The following PSD4 variants were observed in gnomAD, a reference collection of about 807,000 sequenced individuals.
PSD4 encodes the protein pleckstrin and Sec7 domain containing 4.
In PSD4, 59 loss-of-function variants were observed where a neutral mutation model predicts 112.5. The observed-to-expected ratio is 0.52, with a 90% CI of 0.43 to 0.65. The LOEUF is 0.65. Ranked by LOEUF, PSD4 falls within the 30% of genes least tolerant of loss-of-function variation. The pLI is 0.00. For synonymous variants in PSD4, 533 were observed against 540.0 expected, an observed-to-expected ratio of 0.99 and a Z score of 0.18; for missense variants, 1,267 against 1,352.6, an observed-to-expected ratio of 0.94 and a Z score of 0.99.
chr2:113,185,048 C>T lies in PSD4; in HGVS notation c.1148C>T (p.Pro383Leu), dbSNP rs1276516445. 1 of 1,614,256 alleles carries T rather than the reference C, an allele frequency of 6.2e-7. No homozygotes were observed. Among genetic ancestry groups the T allele is most frequent in the Non-Finnish European group, 8.5e-7 (1 of 1,180,038 alleles). The change falls in exon 3 of 17, where the codon CCT becomes CTT. Residue 383 changes from proline (P) to leucine (L), a missense_variant. By Grantham distance (98) the Pro-to-Leu change is moderately conservative (BLOSUM62 -3). This residue lies in a region of PSD4 where 723 missense variants were observed against 704.0 expected (regional missense o/e 1.03). Coordinates refer to ENST00000245796, the MANE Select transcript of PSD4 (RefSeq NM_012455.3). ...ESGCVGSDLG[P>L]AAHPVQPWAS... is the part of the protein sequence containing the mutation. Reference sequence around the variant, plus strand: ...GGATGTGTCGGATCTGATCTTGGCCCTGCTGCACATCCTGTGCAACCTTGG... The same window carrying T: ...GGATGTGTCGGATCTGATCTTGGCCTTGCTGCACATCCTGTGCAACCTTGG...
intron 6 of PSD4, 36 bp from the exon 7 acceptor site, chr2:113,193,012 C>T (rs760992854): frequency 6.3e-7 from 1 of 1,596,652 alleles, no homozygotes; most frequent in Non-Finnish European, 8.6e-7. Flanking sequence ...AGCCCAGGCC[C>T]CTGGTGCAGA....
rs752238535 is a variant in PSD4, at chr2:113,192,956, G to A, written c.1839-92G>A. The stretch of plus-strand genomic sequence containing the variant: ...CACCCTTCCCTTGCTCACCCCCACC[G>A]CATAATGTGTGCAGGCCCTGGGGGC... On this transcript the variant is annotated intron_variant, in intron 6 of 16. Coordinates refer to ENST00000245796, the MANE Select transcript of PSD4 (RefSeq NM_012455.3). 2.4e-5 allele frequency: 31 copies of A among 1,266,412 alleles called. 1 individual carries two copies. Among genetic ancestry groups the A allele is most frequent in the South Asian group, 1.2e-4 (9 of 74,642 alleles). The allele number at this position is 1,266,412 out of a possible 1,614,324, so 78.4% of individuals were successfully genotyped here.
At position 113,194,613 on chromosome 2, in the gene PSD4, A is replaced by T. The variant is rs1227980963; in HGVS notation, c.2181+665A>T. The stretch of plus-strand genomic sequence containing the variant: ...CAAACCTAGATGTACAGCTCACTGC[A>T]CACCAGGGCTATATGGGATAGTCTA... On this transcript the variant is annotated intron_variant, in intron 10 of 16. Transcript: ENST00000245796. 2.6e-5 allele frequency among the ~76,000 whole-genome samples: 4 copies of T among 152,230 alleles called. No individual in the cohort carries two copies. The South Asian group carries it at 8.3e-4, about 32-fold the overall frequency.
intron 12 of PSD4, 146 bp downstream of exon 12, chr2:113,196,453 A>AGTGCTGG: frequency 4.8e-6 from 5 of 1,043,046 alleles, no homozygotes; most frequent in Non-Finnish European, 6.9e-6. Context: ...GTGCGTACTG[A>AGTGCTGG]ACAGTGACCA....
At chr2:113,196,024 G>C in intron 11 of PSD4, 123 bp from the exon 12 acceptor site, 1 of 1,287,276 alleles carries the variant, frequency 7.8e-7, no homozygotes, top group Non-Finnish European at 1.1e-6. Context: ...AGGACTCCTT[G>C]TGGGGGGTCC....
rs199771169 is a variant in PSD4, at chr2:113,196,150, T to C, written c.2229T>C (p.Asp743=). Residue 743 remains aspartate (D), a synonymous_variant, in exon 12 of 17, where the codon GAT becomes GAC. Coordinates refer to ENST00000245796, the MANE Select transcript of PSD4 (RefSeq NM_012455.3). The stretch of plus-strand genomic sequence containing the variant: ...AGCCCGATTCTCTGATGTTCAGGGA[T>C]GAAGAAGACACAGCCAGACCTGAGA... ...IRSEKLEWAV[D]EEDTARPEKA... is the part of the protein sequence containing the mutation. 1 of 1,609,030 alleles carries C rather than the reference T, an allele frequency of 6.2e-7. No homozygotes were observed. Among genetic ancestry groups the C allele is most frequent in the African/African-American group, 1.3e-5 (1 of 74,908 alleles).
At chr2:113,179,775 T>C (rs1052716763) in intron 1 of PSD4, among the ~76,000 whole-genome samples, 1 of 152,104 alleles carries the variant, frequency 6.6e-6, no homozygotes, top group Non-Finnish European at 1.5e-5. Flanking sequence ...AAGTACAAGA[T>C]TAAACATAAG....
At chr2:113,179,969 G>A (rs139148431) in intron 1 of PSD4, among the ~76,000 whole-genome samples, 260 of 152,314 alleles carry the variant, frequency 1.7e-3, no homozygotes, top group Non-Finnish European at 2.8e-3. Context: ...TTGGGTCAGA[G>A]GGAGGGGTAA....
In PSD4 at chr2:113,193,900, C is replaced by T; in HGVS notation, c.2133C>T (p.Asn711=). ...KSMSCQEFIT[N]LNGLRDGGNF... Reference sequence around the variant, plus strand: ...TGAGCTGCCAGGAATTCATAACCAACCTGAATGGGCTGAGGGATGGCGGGA... The same window carrying T: ...TGAGCTGCCAGGAATTCATAACCAATCTGAATGGGCTGAGGGATGGCGGGA... Residue 711 remains asparagine (N), a synonymous_variant, in exon 10 of 17, where the codon AAC becomes AAT. Coordinates refer to ENST00000245796, the MANE Select transcript of PSD4 (RefSeq NM_012455.3). 1.9e-6 allele frequency: 3 copies of T among 1,614,098 alleles called. No individual in the cohort carries two copies. The highest frequency in any genetic ancestry group is 2.5e-6 in the Non-Finnish European group (3 of 1,180,014).
intron 4 of PSD4, 132 bp from the exon 5 acceptor site, chr2:113,185,745 T>G (rs1398560294): frequency 1.1e-5 from 17 of 1,549,648 alleles, no homozygotes; most frequent in Non-Finnish European, 1.5e-5. Context: ...GAGAGGTCAC[T>G]GCCCGAGGGA....
rs917132571 is a variant in PSD4, at chr2:113,204,617, G to A, written c.*3202G>A. 2.5e-4 allele frequency: 38 copies of A among 152,274 alleles called. No individual in the cohort carries two copies. Among genetic ancestry groups the A allele is most frequent in the African/African-American group, 8.9e-4 (37 of 41,464 alleles). 9.4% of individuals were successfully genotyped at this position (152,274 alleles called of 1,614,324 possible). On this transcript the variant is annotated 3_prime_UTR_variant, in exon 17 of 17. Coordinates refer to ENST00000245796, the MANE Select transcript of PSD4 (RefSeq NM_012455.3). ...TTCCTTTCCCATATAGGGGAGCTCAGCTTCCAGGGTCCTGGGCCTGCTGTG... is the reference window on the plus strand; with the variant it reads ...TTCCTTTCCCATATAGGGGAGCTCAACTTCCAGGGTCCTGGGCCTGCTGTG...
chr2:113,195,948 G>A (rs1209957616), intron 11 of PSD4, among the ~76,000 whole-genome samples, 178 bp downstream of exon 11: 1 of 152,144 alleles, frequency 6.6e-6, no homozygotes, highest in Non-Finnish European at 1.5e-5. Flanking sequence ...TAATACCGGA[G>A]GGCCAGAGGT....
At chr2:113,177,067 T>C (rs1687999521) in intron 1 of PSD4, among the ~76,000 whole-genome samples, 1 of 152,236 alleles carries the variant, frequency 6.6e-6, no homozygotes, top group South Asian at 2.1e-4. Context: ...GACAATTGAA[T>C]GGGTCCTCCT....
rs1688885886 is a variant in PSD4 at position 113,207,936 on chromosome 2, G to C, written c.*6521G>C. 6.6e-6 allele frequency: 1 copy of C among 152,096 alleles called. No homozygotes were observed. The highest frequency in any genetic ancestry group is 6.5e-5 in the Admixed American group (1 of 15,286). 9.4% of individuals were successfully genotyped at this position (152,096 alleles called of 1,614,324 possible). A position where few individuals can be genotyped will look rare whatever the true frequency, so the allele number is the denominator to read the frequency against. On this transcript the variant is annotated 3_prime_UTR_variant, in exon 17 of 17. Transcript: ENST00000245796. ...TTTCTTGCATATTCTTTTTCAGGCA[G>C]GAGTGCAGTGGCACGATCTCAATTC...
chr2:113,185,748 C>T (rs1688280085), intron 4 of PSD4, 129 bp from the exon 5 acceptor site: 1 of 1,549,676 alleles, frequency 6.5e-7, no homozygotes, highest in Non-Finnish European at 8.7e-7. Flanking sequence ...AGGTCACTGC[C>T]CGAGGGAGGA....
chr2:113,199,017 G>A (rs775908017), intron 15 of PSD4, 66 bp from the exon 16 acceptor site: 3 of 1,508,864 alleles, frequency 2.0e-6, no homozygotes, highest in Non-Finnish European at 2.6e-6. Flanking sequence ...GGGGCGGCGC[G>A]CCCGGGCCCG....
At chr2:113,190,921 A>G (rs1245068856) in intron 5 of PSD4, among the ~76,000 whole-genome samples, 1 of 152,274 alleles carries the variant, frequency 6.6e-6, no homozygotes. Flanking sequence ...ATAAAGCTCC[A>G]AGTAAACCTT....
Position 113,193,029 on chromosome 2 carries a change from G to A in PSD4, c.1839-19G>A, listed in dbSNP as rs1330714985. On this transcript the variant is annotated intron_variant, in intron 6 of 16. Transcript: ENST00000245796. ...CCCAGGCCCCTGGTGCAGACTCCAT[G>A]CCCCTTTTCCCTCTGCAGCAATGAC... 6.2e-7 allele frequency: 1 copy of A among 1,611,140 alleles called. No homozygotes were observed. The highest frequency in any genetic ancestry group is 1.1e-5 in the South Asian group (1 of 90,960).
intron 12 of PSD4, among the ~76,000 whole-genome samples, chr2:113,196,855 C>T (rs1158521722): frequency 6.6e-6 from 1 of 152,134 alleles, no homozygotes; most frequent in East Asian, 1.9e-4. Context: ...GCAAAATTGC[C>T]AGGGCCTGCA....
Sources: allele counts gnomAD v4.1 joint callset (sites outside exome capture counted in the v4.1 genomes callset), GRCh38; gene constraint gnomAD v4.1.1; regional missense constraint gnomAD v4.1.1; transcripts MANE v1.5; gene names NCBI Gene and HGNC (gene_info 2026-07-23, HGNC 2026-07-21).